Variants in CHSY3 observed in about 807,000 individuals in gnomAD.
The protein encoded by CHSY3 is chondroitin sulfate synthase 3.
In CHSY3, 35 loss-of-function variants were observed where a neutral mutation model predicts 67.2. The observed-to-expected ratio is 0.52, with a 90% CI of 0.40 to 0.69. The LOEUF is 0.69. CHSY3 is among the 30% of genes least tolerant of loss of function. The pLI, the probability that CHSY3 is intolerant of heterozygous loss-of-function variation, is 0.00. For synonymous variants in CHSY3, 474 were observed against 434.7 expected, an observed-to-expected ratio of 1.09 and a Z score of -1.12; for missense variants, 1,069 against 1,138.5, an observed-to-expected ratio of 0.94 and a Z score of 0.88.
At chr5:129,972,998 T>G (rs1762688932) in intron 2 of CHSY3, among the ~76,000 whole-genome samples, 1 of 152,080 alleles carries the variant, frequency 6.6e-6, no homozygotes, top group Admixed American at 6.6e-5. Context: ...TTTTTCATGG[T>G]GAGTTTTATG....
At chr5:130,127,517 C>T (rs1240005109) in intron 2 of CHSY3, among the ~76,000 whole-genome samples, 8 of 152,178 alleles carry the variant, frequency 5.3e-5, no homozygotes, top group South Asian at 4.1e-4. Flanking sequence ...ATACCATAAA[C>T]GTTCTAGAAC....
chr5:129,932,036 A>G lies in CHSY3; in HGVS notation c.1086+23676A>G, dbSNP rs1266280020. Among the ~76,000 whole-genome samples, 6 of 151,224 alleles carry G rather than the reference A, an allele frequency of 4.0e-5. No individual in the cohort carries two copies. In the South Asian group the frequency reaches 1.0e-3, roughly 26 times the overall value. On this transcript the variant is annotated intron_variant, in intron 2 of 2. Transcript: ENST00000305031. ...GATGTATGAAAAAACATGTATTTGT[A>G]TGTAAACAGTAAAACCATATATTTG...
At chr5:130,176,526 A>T (rs1413314502) in intron 2 of CHSY3, among the ~76,000 whole-genome samples, 2 of 152,210 alleles carry the variant, frequency 1.3e-5, no homozygotes, top group African/African-American at 4.8e-5. Context: ...TCATTCTACT[A>T]TAAAGACACA....
intron 2 of CHSY3, among the ~76,000 whole-genome samples, chr5:130,048,776 G>A (rs1238529973): frequency 2.6e-5 from 4 of 151,952 alleles, no homozygotes; most frequent in Admixed American, 1.3e-4. Context: ...AGTGAGATGG[G>A]GAGGATAAAT....
chr5:129,929,164 C>T (rs1265659268), intron 2 of CHSY3, among the ~76,000 whole-genome samples: 2 of 152,092 alleles, frequency 1.3e-5, no homozygotes, highest in African/African-American at 2.4e-5. Flanking sequence ...ACAGTAAAGG[C>T]CCAGAATGAA....
At chr5:130,020,344 TG>T (rs1194827848) in intron 2 of CHSY3, among the ~76,000 whole-genome samples, 1 of 149,546 alleles carries the variant, frequency 6.7e-6, no homozygotes, top group African/African-American at 2.5e-5. Flanking sequence ...TGCTGGAACC[TG>T]GGGGGCAGAG....
intron 2 of CHSY3, among the ~76,000 whole-genome samples, chr5:130,109,269 A>C (rs62393174): frequency 3.3e-5 from 5 of 151,766 alleles, no homozygotes; most frequent in Middle Eastern, 3.4e-3. Context: ...TATTAATATC[A>C]TTTTAAGAGA....
chr5:129,910,772 G>C (rs1760511176), intron 2 of CHSY3, among the ~76,000 whole-genome samples: 1 of 151,888 alleles, frequency 6.6e-6, no homozygotes, highest in South Asian at 2.1e-4. Flanking sequence ...GTCCATATAT[G>C]ATACTGTTCA....
intron 2 of CHSY3, among the ~76,000 whole-genome samples, chr5:130,167,716 A>C (rs1288853824): frequency 1.3e-5 from 2 of 152,168 alleles, no homozygotes; most frequent in African/African-American, 4.8e-5. Flanking sequence ...ACTCATTAGA[A>C]AACTAATAAA....
intron 2 of CHSY3, among the ~76,000 whole-genome samples, chr5:130,138,299 C>T (rs1035410070): frequency 1.3e-5 from 2 of 152,142 alleles, no homozygotes; most frequent in African/African-American, 4.8e-5. Flanking sequence ...TCTCCTCAGG[C>T]GTCTAAGGGC....
At chr5:130,180,774 G>C (rs912690661) in intron 2 of CHSY3, among the ~76,000 whole-genome samples, 2 of 152,138 alleles carry the variant, frequency 1.3e-5, no homozygotes, top group African/African-American at 4.8e-5. Context: ...AGGATTGCTT[G>C]AGCCCAGGAG....
At chr5:130,177,246 T>TAC (rs897734853) in intron 2 of CHSY3, among the ~76,000 whole-genome samples, 1 of 151,604 alleles carries the variant, frequency 6.6e-6, no homozygotes, top group African/African-American at 2.4e-5. Context: ...TATATATATA[T>TAC]ATGTTTTGTA....
intron 1 of CHSY3, 87 bp downstream of exon 1, chr5:129,905,718 G>T (rs1581349717): frequency 6.5e-7 from 1 of 1,539,982 alleles, no homozygotes; most frequent in East Asian, 2.3e-5. Flanking sequence ...CAGCCCCTCC[G>T]CTGCTTCTCT....
chr5:130,099,786 T>C (rs972038780), intron 2 of CHSY3, among the ~76,000 whole-genome samples: 1 of 152,170 alleles, frequency 6.6e-6, no homozygotes, highest in Non-Finnish European at 1.5e-5. Flanking sequence ...GCTAAAATCA[T>C]GAAGTAAGCT....
intron 2 of CHSY3, among the ~76,000 whole-genome samples, chr5:130,012,763 G>A (rs1764104812): frequency 6.6e-6 from 1 of 151,970 alleles, no homozygotes; most frequent in Non-Finnish European, 1.5e-5. Flanking sequence ...ATTTGGGTGG[G>A]GGCACAGCCA....
intron 2 of CHSY3, among the ~76,000 whole-genome samples, chr5:130,086,968 A>G (rs1766657138): frequency 2.0e-5 from 3 of 152,202 alleles, no homozygotes; most frequent in South Asian, 4.1e-4. Flanking sequence ...AAAATCCTCA[A>G]TAAAATACTG....
chr5:129,990,546 A>G (rs1763332143), intron 2 of CHSY3, among the ~76,000 whole-genome samples: 1 of 152,180 alleles, frequency 6.6e-6, no homozygotes, highest in African/African-American at 2.4e-5. Flanking sequence ...TAATATATTA[A>G]CAAACCCAAA....
chr5:130,161,106 A>G (rs1439595783), intron 2 of CHSY3, among the ~76,000 whole-genome samples: 2 of 151,612 alleles, frequency 1.3e-5, no homozygotes, highest in Non-Finnish European at 2.9e-5. Context: ...GGGTTTCATC[A>G]TGTTAGCCAG....
At chr5:129,961,591 AT>A (rs1459160352) in intron 2 of CHSY3, among the ~76,000 whole-genome samples, 2 of 151,806 alleles carry the variant, frequency 1.3e-5, no homozygotes, top group Admixed American at 1.3e-4. Context: ...TTTGTTTCTG[AT>A]TTTAAACACT....
Sources: allele counts gnomAD v4.1 joint callset (sites outside exome capture counted in the v4.1 genomes callset), GRCh38; gene constraint gnomAD v4.1.1; transcripts MANE v1.5; gene names NCBI Gene and HGNC (gene_info 2026-07-23, HGNC 2026-07-21).